The following PVT1 variants were observed in gnomAD, a reference collection of about 807,000 sequenced individuals.
PVT1 encodes the protein CXCR4/PVT1 fusion.
intron 2 of PVT1, among the ~76,000 whole-genome samples, chr8:127,878,649 G>A (rs1815431492): frequency 6.6e-6 from 1 of 152,068 alleles, no homozygotes; most frequent in South Asian, 2.1e-4. Context: ...GTCTGGTCTG[G>A]TCTAGTTAAT....
chr8:127,890,810 G>C (rs1448256358), exon 3 of PVT1: 1 of 152,290 alleles, frequency 6.6e-6, no homozygotes, highest in Non-Finnish European at 1.5e-5. Context: ...GTGGCTGAAT[G>C]CCTCATGGAT....
intron 3 of PVT1, among the ~76,000 whole-genome samples, chr8:127,955,471 T>C (rs1816557065): frequency 6.6e-6 from 1 of 152,180 alleles, no homozygotes; most frequent in Admixed American, 6.5e-5. Flanking sequence ...ATTTTCATAG[T>C]AAGTGGGATA....
chr8:128,058,115 A>G (rs140076885), intron 4 of PVT1, among the ~76,000 whole-genome samples: 2 of 152,214 alleles, frequency 1.3e-5, no homozygotes, highest in Non-Finnish European at 2.9e-5. Context: ...TTTCCTACTC[A>G]ACATGGAGCT....
chr8:128,096,334 G>A (rs934389146), intron 5 of PVT1, among the ~76,000 whole-genome samples: 2 of 152,132 alleles, frequency 1.3e-5, no homozygotes, highest in African/African-American at 2.4e-5. Flanking sequence ...GGAGCCTCTC[G>A]AGGCCTTGGT....
chr8:127,987,271 G>A (rs1816980484), intron 3 of PVT1, among the ~76,000 whole-genome samples: 1 of 152,176 alleles, frequency 6.6e-6, no homozygotes, highest in South Asian at 2.1e-4. Context: ...AGCGCACCTG[G>A]CAGACGGGTA....
intron 2 of PVT1, among the ~76,000 whole-genome samples, chr8:127,862,771 G>T (rs1216731209): frequency 6.6e-6 from 1 of 152,180 alleles, no homozygotes; most frequent in African/African-American, 2.4e-5. Flanking sequence ...TTGACTACTG[G>T]TGTGGTTGGC....
At chr8:127,883,069 C>CACAA (rs1233410680) in intron 2 of PVT1, among the ~76,000 whole-genome samples, 1 of 151,100 alleles carries the variant, frequency 6.6e-6, no homozygotes, top group African/African-American at 2.4e-5. Context: ...ACATCACACA[C>CACAA]ACACACACAC....
chr8:127,994,441 T>C (rs1422364452), intron 4 of PVT1, among the ~76,000 whole-genome samples: 1 of 152,180 alleles, frequency 6.6e-6, no homozygotes, highest in Non-Finnish European at 1.5e-5. Context: ...GTTGCTGAGA[T>C]AGGCTATGAG....
chr8:128,078,229 T>G (rs994388956), intron 5 of PVT1, among the ~76,000 whole-genome samples: 1 of 152,242 alleles, frequency 6.6e-6, no homozygotes, highest in Admixed American at 6.5e-5. Context: ...GTATCTCCAG[T>G]GCCTAGCCTC....
chr8:127,964,947 C>T (rs568212946), intron 3 of PVT1, among the ~76,000 whole-genome samples: 2 of 152,162 alleles, frequency 1.3e-5, no homozygotes, highest in East Asian at 3.8e-4. Flanking sequence ...GGCGTGAGCC[C>T]CCACTCCTAT....
chr8:127,942,448 C>T (rs138938723), intron 3 of PVT1, among the ~76,000 whole-genome samples: 42 of 152,290 alleles, frequency 2.8e-4, no homozygotes, highest in African/African-American at 1.0e-3. Flanking sequence ...TGGGAAAGCA[C>T]CTAATTTACA....
chr8:127,827,398 C>T (rs927925114), intron 2 of PVT1, among the ~76,000 whole-genome samples: 3 of 152,174 alleles, frequency 2.0e-5, no homozygotes, highest in African/African-American at 4.8e-5. Context: ...GACACTTAGC[C>T]TCTGGTCCCC....
intron 3 of PVT1, among the ~76,000 whole-genome samples, chr8:127,922,784 C>T (rs1352929689): frequency 1.3e-5 from 2 of 152,232 alleles, no homozygotes; most frequent in African/African-American, 4.8e-5. Context: ...CTCTTTACTT[C>T]CAGACCAACT....
chr8:127,892,186 A>G (rs1815619351), intron 3 of PVT1, among the ~76,000 whole-genome samples: 1 of 152,192 alleles, frequency 6.6e-6, no homozygotes, highest in Non-Finnish European at 1.5e-5. Flanking sequence ...TGACCTCCTA[A>G]GGTAAATAAT....
chr8:127,796,917 T>C (rs1214585640), intron 2 of PVT1, among the ~76,000 whole-genome samples: 4 of 151,242 alleles, frequency 2.6e-5, no homozygotes, highest in Non-Finnish European at 5.9e-5. Flanking sequence ...TCACTCTTGT[T>C]GCCCAGGCTG....
intron 2 of PVT1, among the ~76,000 whole-genome samples, chr8:127,826,639 G>A (rs142538955): frequency 0.012 from 1,878 of 152,302 alleles, 163 homozygotes; most frequent in Admixed American, 0.11. Flanking sequence ...AAGCATATTT[G>A]CATAGGCTGG....
At chr8:128,063,481 C>T (rs755160448) in intron 4 of PVT1, among the ~76,000 whole-genome samples, 2 of 152,096 alleles carry the variant, frequency 1.3e-5, no homozygotes, top group Non-Finnish European at 2.9e-5. Flanking sequence ...CACTACACTC[C>T]AGCCTGGGCA....
chr8:127,981,945 T>C (rs1344825825), intron 3 of PVT1, among the ~76,000 whole-genome samples: 2 of 152,188 alleles, frequency 1.3e-5, no homozygotes, highest in Non-Finnish European at 2.9e-5. Context: ...GTCAAAATCC[T>C]TTTTTCCTGG....
At chr8:127,868,816 T>C (rs796402223) in intron 2 of PVT1, among the ~76,000 whole-genome samples, 98 of 85,968 alleles carry the variant, frequency 1.1e-3, no homozygotes, top group East Asian at 4.0e-3. Context: ...CATATATATA[T>C]ATATGTATGT....
Sources: gnomAD v4.1 joint callset for allele counts (sites outside exome capture counted in the v4.1 genomes callset) on GRCh38, gnomAD v4.1.1 for gene constraint, MANE v1.5 for transcripts, NCBI Gene and HGNC (gene_info 2026-07-23, HGNC 2026-07-21) for gene names.